The following PRDM5 variants were observed in gnomAD, a reference collection of about 807,000 sequenced individuals.
PRDM5 encodes PR domain zinc finger protein 5.
Under a neutral mutation model 81.2 loss-of-function variants are expected in PRDM5, and 56 were observed. The ratio of observed to expected loss-of-function variants is 0.69; its 90% CI spans 0.56 to 0.86. The LOEUF (loss-of-function observed/expected upper bound fraction) is 0.86. Among genes scored for constraint, PRDM5 ranks in the 40% least tolerant of loss-of-function variants. PRDM5 has a pLI of 0.00. For synonymous variants in PRDM5, 267 were observed against 256.4 expected (o/e 1.04, Z -0.39); for missense variants, 697 against 770.1 (o/e 0.91, Z 1.12).
At chr4:120,831,266 A>C (rs1487045997) in intron 3 of PRDM5, among the ~76,000 whole-genome samples, 3 of 152,018 alleles carry the variant, frequency 2.0e-5, no homozygotes, top group African/African-American at 7.2e-5. Flanking sequence ...CCCCTTAATT[A>C]GGTCCTAAAC....
At chr4:120,708,321 A>G (rs1456030772) in intron 15 of PRDM5, among the ~76,000 whole-genome samples, 1 of 152,102 alleles carries the variant, frequency 6.6e-6, no homozygotes, top group Non-Finnish European at 1.5e-5. Context: ...AAAAGGAATG[A>G]CCTACTGATA....
chr4:120,914,562 C>T (rs1414012928), intron 1 of PRDM5, among the ~76,000 whole-genome samples: 1 of 152,074 alleles, frequency 6.6e-6, no homozygotes, highest in African/African-American at 2.4e-5. Flanking sequence ...TTCCACATTG[C>T]TAGGGAGGCC....
intron 3 of PRDM5, among the ~76,000 whole-genome samples, chr4:120,829,357 ATT>A (rs1221445215): frequency 6.6e-6 from 1 of 152,146 alleles, no homozygotes; most frequent in East Asian, 1.9e-4. Flanking sequence ...AATAAATCTA[ATT>A]TTCAAATTCT....
chr4:120,871,907 C>T (rs1378885172), intron 2 of PRDM5, among the ~76,000 whole-genome samples: 1 of 151,898 alleles, frequency 6.6e-6, no homozygotes. Flanking sequence ...TATCCCAACA[C>T]TTTGGGAGGC....
chr4:120,763,204 C>T (rs1047825048), intron 13 of PRDM5, among the ~76,000 whole-genome samples: 3 of 152,030 alleles, frequency 2.0e-5, no homozygotes, highest in East Asian at 3.9e-4. Context: ...GCCACGTGCT[C>T]ACGAACTTTT....
intron 15 of PRDM5, among the ~76,000 whole-genome samples, chr4:120,698,113 T>C (rs1183693038): frequency 6.6e-6 from 1 of 152,126 alleles, no homozygotes; most frequent in East Asian, 1.9e-4. Flanking sequence ...AAAGCAAATA[T>C]TATTTTGGAA....
At chr4:120,843,085 A>C (rs951012155) in intron 3 of PRDM5, among the ~76,000 whole-genome samples, 1 of 152,200 alleles carries the variant, frequency 6.6e-6, no homozygotes, top group African/African-American at 2.4e-5. Context: ...TAATCCCAGC[A>C]CTTTAGGATG....
At chr4:120,691,222 T>C (rs1734035914), downstream of PRDM5, among the ~76,000 whole-genome samples, 1 of 152,078 alleles carries the variant, frequency 6.6e-6, no homozygotes, top group Admixed American at 6.6e-5. Context: ...GCCTAGAATA[T>C]CTAGAATATT....
At chr4:120,804,579 A>G (rs1752634071) in intron 8 of PRDM5, among the ~76,000 whole-genome samples, 1 of 152,230 alleles carries the variant, frequency 6.6e-6, no homozygotes, top group African/African-American at 2.4e-5. Context: ...TGGAAACTGA[A>G]CAACCTGCTC....
intron 2 of PRDM5, among the ~76,000 whole-genome samples, chr4:120,866,205 T>C (rs1761183768): frequency 6.6e-6 from 1 of 152,196 alleles, no homozygotes; most frequent in South Asian, 2.1e-4. Context: ...CCCACTTCAC[T>C]GCACACTTCA....
rs142805564 is a variant in PRDM5 at position 120,799,682 on chromosome 4, G to A, written c.1009C>T (p.Arg337Cys). 14 of 1,612,736 alleles carry A rather than the reference G, an allele frequency of 8.7e-6. No individual in the cohort carries two copies. Among genetic ancestry groups the A allele is most frequent in the Admixed American group, 5.0e-5 (3 of 59,966 alleles). Residue 337 changes from arginine to cysteine, a missense_variant, in exon 9 of 16, where the codon CGT becomes TGT. Physicochemically the swap from Arg to Cys is radical, Grantham distance 180. This residue lies in a region of PRDM5 where 577 missense variants were observed against 606.7 expected (regional missense o/e 0.95). Transcript: ENST00000264808. ...TTACCTGAGTGGGTGATCATATGAC[G>A]TTTTAGCTGATTAGCTGAAATAAAT... ...KKFISANQLK[R>C]HMITHSEKRP...
chr4:120,816,432 G>C (rs571459776), intron 7 of PRDM5, 21 bp downstream of exon 7: 25 of 1,614,108 alleles, frequency 1.5e-5, no homozygotes, highest in Non-Finnish European at 2.1e-5. Context: ...CTTCGGAAAC[G>C]ACCCTCCAAC....
At chr4:120,898,074 T>C (rs1561653962) in intron 2 of PRDM5, among the ~76,000 whole-genome samples, 1 of 152,180 alleles carries the variant, frequency 6.6e-6, no homozygotes, top group African/African-American at 2.4e-5. Flanking sequence ...CTGGAGTAGA[T>C]TTACCCTGTT....
At chr4:120,757,198 T>C (rs528280192) in intron 13 of PRDM5, among the ~76,000 whole-genome samples, 1 of 152,322 alleles carries the variant, frequency 6.6e-6, no homozygotes, top group East Asian at 1.9e-4. Context: ...CCTACTGTTA[T>C]AATATAGGAA....
At chr4:120,885,754 A>C (rs1267945609) in intron 2 of PRDM5, 1 of 150,866 alleles carries the variant, frequency 6.6e-6, no homozygotes, top group East Asian at 2.0e-4. Context: ...AGATCACACC[A>C]CTGCACTCCA....
rs774533509 is a variant in PRDM5 at position 120,816,866 on chromosome 4, A to G, written c.709T>C (p.Ser237Pro). 2.5e-6 allele frequency: 4 copies of G among 1,613,900 alleles called. No homozygotes were observed. In the South Asian group the frequency reaches 3.3e-5, roughly 13 times the overall value. The change falls in exon 6 of 16, where the codon TCT (serine) becomes CCT (proline). Residue 237 changes from serine to proline, a missense_variant. Physicochemically the swap from Ser to Pro is moderately conservative, Grantham distance 74. This residue lies in a region of PRDM5 where 577 missense variants were observed against 606.7 expected (regional missense o/e 0.95). Transcript: ENST00000264808. ...LKESSRSFQC[S>P]VCNSSFSSAS... ...GAACTGAAGGAAGAATTGCAAACAG[A>G]GCACTGAAAACTTCGCGAAGACTCC...
intron 1 of PRDM5, among the ~76,000 whole-genome samples, chr4:120,912,354 TA>T (rs751062145): frequency 6.6e-6 from 1 of 152,108 alleles, no homozygotes; most frequent in Non-Finnish European, 1.5e-5. Context: ...TTGCCAGAAA[TA>T]TTTATATCTA....
At chr4:120,775,201 T>C (rs1443093105) in intron 13 of PRDM5, among the ~76,000 whole-genome samples, 1 of 151,670 alleles carries the variant, frequency 6.6e-6, no homozygotes, top group African/African-American at 2.4e-5. Flanking sequence ...TAAAGTGATT[T>C]GGAGTGTAGA....
chr4:120,863,748 T>G (rs1045649978), intron 2 of PRDM5, among the ~76,000 whole-genome samples: 4 of 152,206 alleles, frequency 2.6e-5, no homozygotes, highest in Non-Finnish European at 4.4e-5. Context: ...ATTATTGCCT[T>G]ATAAATTGGC....
Sources: gnomAD v4.1 joint callset for allele counts (sites outside exome capture counted in the v4.1 genomes callset) on GRCh38, gnomAD v4.1.1 for gene constraint, gnomAD v4.1.1 regional missense constraint, MANE v1.5 for transcripts, NCBI Gene and HGNC (gene_info 2026-07-23, HGNC 2026-07-21) for gene names.